SGCD: variants seen among roughly 807,000 people sequenced by gnomAD.
The protein encoded by SGCD is delta-sarcoglycan.
In SGCD, 18 loss-of-function variants were observed where a neutral mutation model predicts 36.6. The observed-to-expected ratio is 0.49, with a 90% CI of 0.34 to 0.73. The LOEUF is 0.73. Among genes scored for constraint, SGCD ranks in the 30% least tolerant of loss-of-function variants. The probability of loss-of-function intolerance (pLI) is 0.01; values close to 1 mark genes in which losing one functional copy is unlikely to be tolerated. For synonymous variants in SGCD, 133 were observed against 130.6 expected (o/e 1.02, Z -0.12); for missense variants, 387 against 346.7 (o/e 1.12, Z -0.92).
intron 1 of SGCD, among the ~76,000 whole-genome samples, chr5:156,012,958 T>A (rs1351184435): frequency 1.3e-5 from 2 of 149,266 alleles, no homozygotes; most frequent in East Asian, 2.0e-4. Flanking sequence ...TATATATTTA[T>A]TATTTATATA....
At chr5:156,545,777 C>G (rs1758549129) in intron 4 of SGCD, among the ~76,000 whole-genome samples, 2 of 152,018 alleles carry the variant, frequency 1.3e-5, no homozygotes, top group South Asian at 2.1e-4. Flanking sequence ...CCACGGGTGC[C>G]CAGCTTATCA....
At chr5:155,748,148 A>T in the SGCD span, among the ~76,000 whole-genome samples, 1 of 150,182 alleles carries the variant, frequency 6.7e-6, no homozygotes, top group Non-Finnish European at 1.5e-5. Flanking sequence ...TCTTCCGGCC[A>T]CAAAGACCTT....
At position 156,668,815 on chromosome 5, in the gene SGCD, G is replaced by A. The variant is rs375520237; in HGVS notation, c.575+21279G>A. ...GGGGTGAAATGTATGCCCTGATGAT[G>A]TCTCTCCTCTGAGTCATGGAGGAGG... On this transcript the variant is annotated intron_variant, in intron 7 of 8. Transcript: ENST00000337851. 1.9e-4 allele frequency among the ~76,000 whole-genome samples: 29 copies of A among 152,264 alleles called. 1 individual carries two copies. The East Asian group carries it at 3.1e-3, about 16-fold the overall frequency.
the SGCD span, among the ~76,000 whole-genome samples, chr5:155,744,352 C>T: frequency 6.6e-6 from 1 of 151,962 alleles, no homozygotes; most frequent in Non-Finnish European, 1.5e-5. Flanking sequence ...CCCAGCTACT[C>T]AGGAGGCTGA....
At chr5:156,720,972 A>G (rs1349700881) in intron 7 of SGCD, among the ~76,000 whole-genome samples, 4 of 152,186 alleles carry the variant, frequency 2.6e-5, no homozygotes, top group African/African-American at 7.2e-5. Flanking sequence ...GATTTTGAAT[A>G]TATATTGAAT....
intron 1 of SGCD, among the ~76,000 whole-genome samples, chr5:156,089,672 AG>A (rs2127593780): frequency 6.6e-6 from 1 of 152,336 alleles, no homozygotes; most frequent in East Asian, 1.9e-4. Flanking sequence ...AAAATGGCAT[AG>A]CCTTTGTATT....
At chr5:156,122,800 T>A (rs1255207908) in intron 2 of SGCD, among the ~76,000 whole-genome samples, 1 of 131,600 alleles carries the variant, frequency 7.6e-6, no homozygotes, top group African/African-American at 2.9e-5. Flanking sequence ...ACCTTGTAGA[T>A]CTTTAATGAT....
the SGCD span, among the ~76,000 whole-genome samples, chr5:155,771,437 T>C: frequency 2.6e-5 from 4 of 151,876 alleles, no homozygotes; most frequent in East Asian, 7.8e-4. Context: ...TTAATTTTTT[T>C]TTTTTTTACA....
At chr5:155,806,352 A>C in the SGCD span, among the ~76,000 whole-genome samples, 1 of 152,054 alleles carries the variant, frequency 6.6e-6, no homozygotes, top group African/African-American at 2.4e-5. Context: ...ACAGGGTTTC[A>C]CCATTTTGGC....
rs541586378 is a variant in SGCD, at chr5:156,155,067, C to T, written c.-44+31048C>T. Among the ~76,000 whole-genome samples, 138 of 151,746 alleles carry T rather than the reference C, an allele frequency of 9.1e-4. 5 individuals carry two copies. Among genetic ancestry groups the T allele is most frequent in the African/African-American group, 3.2e-3 (130 of 41,074 alleles). On this transcript the variant is annotated intron_variant, in intron 3 of 9. Coordinates refer to the SGCD transcript ENST00000517913. ...AACATCATAGAACAATGAGAACATG[C>T]GACAATAATAATCACAGGATAATCT... is the stretch of plus-strand genomic sequence containing the variant.
chr5:156,100,150 ATTGT>A (rs1267825306), intron 1 of SGCD, among the ~76,000 whole-genome samples: 1 of 152,154 alleles, frequency 6.6e-6, no homozygotes, highest in African/African-American at 2.4e-5. Context: ...ATCTAAAACA[ATTGT>A]TTGTTCAGAG....
At chr5:156,076,741 A>G (rs752605023) in intron 1 of SGCD, among the ~76,000 whole-genome samples, 39 of 152,222 alleles carry the variant, frequency 2.6e-4, no homozygotes, top group Non-Finnish European at 4.3e-4. Flanking sequence ...GGAGCACCCT[A>G]GACTTGAACA....
At chr5:156,750,176 T>G (rs1195010828) in intron 7 of SGCD, among the ~76,000 whole-genome samples, 1 of 151,996 alleles carries the variant, frequency 6.6e-6, no homozygotes. Context: ...GATAGAAACT[T>G]TTGGCAAAAT....
At chr5:156,521,192 A>G (rs1757388563) in intron 4 of SGCD, among the ~76,000 whole-genome samples, 1 of 152,176 alleles carries the variant, frequency 6.6e-6, no homozygotes, top group South Asian at 2.1e-4. Flanking sequence ...CACCATATAC[A>G]AAAATCAACT....
At chr5:155,735,107 T>C in the SGCD span, among the ~76,000 whole-genome samples, 2 of 152,324 alleles carry the variant, frequency 1.3e-5, no homozygotes, top group African/African-American at 4.8e-5. Context: ...GCTAATTCTA[T>C]GTGGTTCAGA....
At chr5:156,416,825 T>C (rs1367219812) in intron 3 of SGCD, among the ~76,000 whole-genome samples, 1 of 152,250 alleles carries the variant, frequency 6.6e-6, no homozygotes, top group African/African-American at 2.4e-5. Context: ...CTATCTGCAC[T>C]AATTTCATCA....
At chr5:155,956,804 C>CA (rs911918175) in intron 1 of SGCD, among the ~76,000 whole-genome samples, 23 of 150,590 alleles carry the variant, frequency 1.5e-4, no homozygotes, top group African/African-American at 5.4e-4. Context: ...AGGGCCCCCC[C>CA]CCCCGGTTAA....
chr5:155,952,698 G>C (rs927717620), intron 1 of SGCD, among the ~76,000 whole-genome samples: 1 of 152,198 alleles, frequency 6.6e-6, no homozygotes, highest in Non-Finnish European at 1.5e-5. Context: ...AGCCCCTAAA[G>C]ATAGCTCTGC....
chr5:156,231,277 G>C (rs1765007150), intron 3 of SGCD, among the ~76,000 whole-genome samples: 1 of 152,212 alleles, frequency 6.6e-6, no homozygotes, highest in Non-Finnish European at 1.5e-5. Context: ...GCTCAAGCCT[G>C]TAATCCCGAC....
Sources: gnomAD v4.1 joint callset for allele counts (sites outside exome capture counted in the v4.1 genomes callset) on GRCh38, gnomAD v4.1.1 for gene constraint, MANE v1.5 for transcripts, NCBI Gene and HGNC (gene_info 2026-07-23, HGNC 2026-07-21) for gene names.